The following OTOF variants were observed in gnomAD, a reference collection of about 807,000 sequenced individuals.
The protein encoded by OTOF is fer-1-like family member 2.
A neutral mutation model predicts 236.8 loss-of-function variants in OTOF; 218 were observed. The observed-to-expected ratio is 0.92, with a 90% CI of 0.82 to 1.03. The LOEUF is 1.03. OTOF is among the 50% of genes least tolerant of loss of function. The probability of loss-of-function intolerance (pLI) is 0.00; values close to 1 mark genes in which losing one functional copy is unlikely to be tolerated. For missense variants in OTOF, 2,590 were observed against 2,694.4 expected (o/e 0.96, Z 0.86); for synonymous variants, 1,041 against 1,072.5 (o/e 0.97, Z 0.57).
rs202077707 is a variant in OTOF at position 26,475,880 on chromosome 2, A to C, written c.2991+34T>G. On this transcript the variant is annotated intron_variant, in intron 24 of 46. Coordinates refer to ENST00000272371, the MANE Select transcript of OTOF (RefSeq NM_194248.3). ...GGCTCACAGGCTTCTGGTGCTCTCA[A>C]AGCCAGAGCCACTCCCTCCTCCCAG... 1.9e-4 allele frequency: 307 copies of C among 1,577,904 alleles called. 1 individual carries two copies. The African/African-American group carries it at 3.8e-3, about 20-fold the overall frequency.
At chr2:26,479,234 A>C (rs2148054651) in intron 18 of OTOF, 30 bp downstream of exon 18, 1 of 1,610,784 alleles carries the variant, frequency 6.2e-7, no homozygotes, top group African/African-American at 1.3e-5. Flanking sequence ...CCAGGACCCC[A>C]CCCCTGCTGG....
chr2:26,465,144 C>A, intron 38 of OTOF, 115 bp from the exon 39 acceptor site: 1 of 843,372 alleles, frequency 1.2e-6, no homozygotes, highest in Non-Finnish European at 1.8e-6. Flanking sequence ...AGCAAGTGAG[C>A]CTGATTCCTC....
intron 8 of OTOF, among the ~76,000 whole-genome samples, chr2:26,495,959 C>G (rs142630329): frequency 5.4e-4 from 82 of 152,354 alleles, no homozygotes; most frequent in Admixed American, 2.2e-3. Context: ...TGGCTCCCCC[C>G]CCTTTCCACA....
chr2:26,537,482 G>T (rs1350189715), intron 2 of OTOF, among the ~76,000 whole-genome samples: 1 of 152,228 alleles, frequency 6.6e-6, no homozygotes, highest in Non-Finnish European at 1.5e-5. Context: ...GCTGTTCCCC[G>T]TGTCATTTGC....
At position 26,477,073 on chromosome 2, in the gene OTOF, G is replaced by A; in HGVS notation, c.2524-30C>T. On this transcript the variant is annotated intron_variant, in intron 21 of 46. Transcript: ENST00000272371. The surrounding 1 kb of genome is among the most constrained non-coding windows in gnomAD (Gnocchi z 4.7). ...GGGTTGGGGGGTGGCCAGGGGCAGT[G>A]GGTAAGGGGGTCTAGCCTCCTGATT... is the stretch of plus-strand genomic sequence containing the variant. 1 of 1,517,016 alleles carries A rather than the reference G, an allele frequency of 6.6e-7. No homozygotes were observed. The highest frequency in any genetic ancestry group is 9.0e-7 in the Non-Finnish European group (1 of 1,114,038). 94.0% of individuals were successfully genotyped at this position (1,517,016 alleles called of 1,614,324 possible).
At chr2:26,510,826 C>T (rs894972508) in intron 5 of OTOF, 47 of 1,003,648 alleles carry the variant, frequency 4.7e-5, no homozygotes, top group South Asian at 1.8e-4. Flanking sequence ...GCCTCAGCCC[C>T]GGCCCCACGG....
At chr2:26,531,134 A>G (rs1422744000) in intron 2 of OTOF, among the ~76,000 whole-genome samples, 1 of 152,120 alleles carries the variant, frequency 6.6e-6, no homozygotes, top group Non-Finnish European at 1.5e-5. Context: ...CAGCATTTCC[A>G]GCCCCATCTC....
intron 3 of OTOF, among the ~76,000 whole-genome samples, chr2:26,525,333 T>C (rs1330253065): frequency 6.6e-6 from 1 of 152,178 alleles, no homozygotes; most frequent in Non-Finnish European, 1.5e-5. Flanking sequence ...CTTTCCTGAC[T>C]CAGAAATCCC....
chr2:26,498,314 C>A (rs1293148957), intron 8 of OTOF, among the ~76,000 whole-genome samples: 1 of 152,170 alleles, frequency 6.6e-6, no homozygotes, highest in Non-Finnish European at 1.5e-5. Flanking sequence ...AGAGGGTGCT[C>A]ATTGCTGGTT....
chr2:26,532,629 A>G (rs1424091835), intron 2 of OTOF, among the ~76,000 whole-genome samples: 1 of 152,152 alleles, frequency 6.6e-6, no homozygotes, highest in Non-Finnish European at 1.5e-5. Flanking sequence ...GACAGAAGCA[A>G]GGTGGTAGGT....
chr2:26,474,990 ACTCCCTG>A (rs1419057614), intron 25 of OTOF, among the ~76,000 whole-genome samples: 7 of 150,930 alleles, frequency 4.6e-5, no homozygotes, highest in Non-Finnish European at 1.0e-4. Flanking sequence ...CCAATCCCTT[ACTCCCTG>A]CTCCAGAACC....
Position 26,470,623 on chromosome 2 carries a change from C to T in OTOF, c.3993G>A (p.Lys1331=), listed in dbSNP as rs1285642885. The T allele has an allele frequency of 6.2e-7, 1 of 1,614,058 alleles. No individual in the cohort carries two copies. The highest frequency in any genetic ancestry group is 1.3e-5 in the African/African-American group (1 of 74,930). The part of the protein sequence containing the change: ...PDESMLDWWS[K]YFASIDTMKE... ...TCATGGTGTCAATGGAGGCAAAGTA[C>T]TTGGACCACCAGTCCAGCATGCTCT... The change falls in exon 32 of 47, where the codon AAG becomes AAA. Residue 1331 remains lysine, a synonymous_variant. Transcript: ENST00000272371. This position sits in a 1 kb window ranked among gnomAD's most constrained non-coding sequence, Gnocchi z 4.3.
chr2:26,495,009 ACG>A lies in OTOF; in HGVS notation c.828_829del (p.Val277GlyfsTer4). ...GTACTTCTTGTCGTCACCCACCTCCACGCACACCACAGGGTCCATGTTCAAGC... is the reference window on the plus strand; with the variant it reads ...GTACTTCTTGTCGTCACCCACCTCCACACACCACAGGGTCCATGTTCAAGC... On this transcript the variant is annotated frameshift_variant, in exon 9 of 47. Transcript: ENST00000272371. LOFTEE classifies it high-confidence loss of function. 1 of 1,614,056 alleles carries A rather than the reference ACG, an allele frequency of 6.2e-7. No homozygotes were observed. The highest frequency in any genetic ancestry group is 8.5e-7 in the Non-Finnish European group (1 of 1,179,938).
In OTOF at chr2:26,460,607, G is replaced by A. The variant is rs372198452; in HGVS notation, c.5813+40C>T. 6.6e-6 allele frequency: 10 copies of A among 1,508,774 alleles called. No individual in the cohort carries two copies. Among genetic ancestry groups the A allele is most frequent in the Non-Finnish European group, 9.2e-6 (10 of 1,085,212 alleles). 93.5% of individuals were successfully genotyped at this position (1,508,774 alleles called of 1,614,324 possible). On this transcript the variant is annotated intron_variant, in intron 45 of 46. Coordinates refer to ENST00000272371, the MANE Select transcript of OTOF (RefSeq NM_194248.3). This position sits in a 1 kb window ranked among gnomAD's most constrained non-coding sequence, Gnocchi z 5.3. ...CTCCTTCCTGTTCCAGCGCCTCCAA[G>A]AGCCAGAGTGGGGAGGGGCTGGGCC...
chr2:26,492,583 C>T (rs1325434678), intron 9 of OTOF, among the ~76,000 whole-genome samples: 3 of 152,170 alleles, frequency 2.0e-5, no homozygotes, highest in African/African-American at 4.8e-5. Context: ...CTCCATGTTG[C>T]CCCACGTGCC....
At chr2:26,533,488 T>A (rs1342328072) in intron 2 of OTOF, among the ~76,000 whole-genome samples, 1 of 152,162 alleles carries the variant, frequency 6.6e-6, no homozygotes, top group Non-Finnish European at 1.5e-5. Context: ...TCTTTAGAGT[T>A]GTAAGTTAAA....
chr2:26,493,295 A>G (rs530036526), intron 9 of OTOF, among the ~76,000 whole-genome samples: 2 of 152,240 alleles, frequency 1.3e-5, no homozygotes, highest in African/African-American at 4.8e-5. Context: ...CTGCAGGTGC[A>G]CAGTCTGAGG....
chr2:26,489,092 C>G (rs1665770123), intron 11 of OTOF, 119 bp downstream of exon 11: 1 of 752,646 alleles, frequency 1.3e-6, no homozygotes, highest in East Asian at 2.7e-5. Flanking sequence ...TACTAACAGT[C>G]GCCAGACTGT....
rs376771750 is a variant in OTOF, at chr2:26,466,755, T to C, written c.4459A>G (p.Asn1487Asp). The stretch of plus-strand genomic sequence containing the variant: ...CGGACCAGCACATTGATGGGGTCAT[T>C]GCTCGGGATGCCCTGGAACATGCCG... ...TYGMFQGIPS[N>D]DPINVLVRVY... The change falls in exon 36 of 47, where the codon AAT (asparagine) becomes GAT (aspartate). Residue 1487 changes from asparagine to aspartate, a missense_variant. Physicochemically the swap from Asn to Asp is conservative, Grantham distance 23. Coordinates refer to ENST00000272371, the MANE Select transcript of OTOF (RefSeq NM_194248.3). The C allele has an allele frequency of 1.5e-5, 24 of 1,614,106 alleles. No homozygotes were observed. The African/African-American group carries it at 3.1e-4, about 21-fold the overall frequency.
Sources: allele counts gnomAD v4.1 joint callset (sites outside exome capture counted in the v4.1 genomes callset), GRCh38; gene constraint gnomAD v4.1.1; non-coding constraint Gnocchi (gnomAD v3.1); transcripts MANE v1.5; gene names NCBI Gene and HGNC (gene_info 2026-07-23, HGNC 2026-07-21).